PRTFDC1: variants seen among roughly 807,000 people sequenced by gnomAD.
The protein encoded by PRTFDC1 is phosphoribosyl transferase domain containing 1.
PRTFDC1 carries 38 observed loss-of-function variants against 34.6 expected under a neutral mutation model. The observed-to-expected ratio is 1.10, with a 90% CI of 0.85 to 1.44. PRTFDC1 has a LOEUF of 1.44. PRTFDC1 is among the 40% of genes most tolerant of loss of function. PRTFDC1 has a pLI of 0.00. For missense variants in PRTFDC1, 270 were observed against 283.0 expected, an observed-to-expected ratio of 0.95 and a Z score of 0.33; for synonymous variants, 93 against 98.1, an observed-to-expected ratio of 0.95 and a Z score of 0.31.
chr10:24,925,996 C>G (rs1038984744), intron 3 of PRTFDC1, among the ~76,000 whole-genome samples: 3 of 152,182 alleles, frequency 2.0e-5, no homozygotes, highest in Admixed American at 2.0e-4. Context: ...CCTGTGCCCA[C>G]GTCTCTTCCT....
chr10:24,856,568 G>A (rs1379260441), intron 6 of PRTFDC1, among the ~76,000 whole-genome samples: 1 of 152,158 alleles, frequency 6.6e-6, no homozygotes, highest in Admixed American at 6.6e-5. Flanking sequence ...AGCCCAGCCT[G>A]GGCAACAGAG....
intron 3 of PRTFDC1, among the ~76,000 whole-genome samples, chr10:24,928,820 G>C (rs960448794): frequency 6.6e-6 from 1 of 151,476 alleles, no homozygotes; most frequent in Non-Finnish European, 1.5e-5. Context: ...GGCAGATCAC[G>C]AGGTCAGGAG....
chr10:24,891,571 T>C (rs1006994572), intron 3 of PRTFDC1, among the ~76,000 whole-genome samples: 5 of 151,786 alleles, frequency 3.3e-5, no homozygotes, highest in Non-Finnish European at 5.9e-5. Flanking sequence ...GGCAGGATGA[T>C]GGCTTGAGCT....
At chr10:24,887,450 G>A (rs558140268) in intron 3 of PRTFDC1, among the ~76,000 whole-genome samples, 21 of 111,064 alleles carry the variant, frequency 1.9e-4, no homozygotes, top group Admixed American at 1.2e-3. Context: ...AGATCTGATG[G>A]TTTTATAAGG....
At chr10:24,915,447 T>G (rs1026994291) in intron 3 of PRTFDC1, among the ~76,000 whole-genome samples, 2 of 152,178 alleles carry the variant, frequency 1.3e-5, no homozygotes, top group Non-Finnish European at 2.9e-5. Flanking sequence ...TTGGCTTCCA[T>G]ATCCCTATAG....
chr10:24,918,172 T>C (rs1477507543), intron 3 of PRTFDC1, among the ~76,000 whole-genome samples: 2 of 152,198 alleles, frequency 1.3e-5, no homozygotes, highest in East Asian at 3.9e-4. Flanking sequence ...GCTGGAGCAC[T>C]AAGTCTCTCA....
chr10:24,881,765 A>C (rs1848082713), intron 3 of PRTFDC1, among the ~76,000 whole-genome samples: 1 of 152,024 alleles, frequency 6.6e-6, no homozygotes, highest in Non-Finnish European at 1.5e-5. Context: ...CCCTCTCACC[A>C]TGGCCAATGA....
At chr10:24,937,046 T>C in intron 3 of PRTFDC1, 138 bp downstream of exon 3, 1 of 804,334 alleles carries the variant, frequency 1.2e-6, no homozygotes, top group Non-Finnish European at 1.9e-6. Context: ...GTTGCCGTAT[T>C]CTTGCAAATT....
chr10:24,927,972 A>T (rs1044922433), intron 3 of PRTFDC1, among the ~76,000 whole-genome samples: 1 of 152,228 alleles, frequency 6.6e-6, no homozygotes, highest in African/African-American at 2.4e-5. Flanking sequence ...AAAATTGCTG[A>T]AAAAGATGAG....
At position 24,894,798 on chromosome 10, in the gene PRTFDC1, C is replaced by T. The variant is rs181800191; in HGVS notation, c.340-22735G>A. Among the ~76,000 whole-genome samples the T allele has an allele frequency of 1.6e-3, 250 of 152,288 alleles. 2 individuals carry two copies. The highest frequency in any genetic ancestry group is 5.5e-3 in the African/African-American group (228 of 41,566). ...GGAGTTTGACAACATGGGTTCAAATCGAGGCTCCGCTCCTGTGGATTGTGT... is the reference window on the plus strand; with the variant it reads ...GGAGTTTGACAACATGGGTTCAAATTGAGGCTCCGCTCCTGTGGATTGTGT... On this transcript the variant is annotated intron_variant, in intron 3 of 8. Coordinates refer to ENST00000320152, the MANE Select transcript of PRTFDC1 (RefSeq NM_020200.7).
chr10:24,905,742 C>T (rs1848523948), intron 3 of PRTFDC1, among the ~76,000 whole-genome samples: 1 of 152,158 alleles, frequency 6.6e-6, no homozygotes, highest in South Asian at 2.1e-4. Context: ...CCACAAGTCT[C>T]TTCCTTTTAT....
intron 1 of PRTFDC1, among the ~76,000 whole-genome samples, chr10:24,950,706 A>G (rs910754218): frequency 6.6e-6 from 1 of 150,808 alleles, no homozygotes; most frequent in African/African-American, 2.4e-5. Context: ...CCCACCCTTC[A>G]AAGTTCTTTC....
At chr10:24,940,174 A>C (rs111989177) in intron 2 of PRTFDC1, among the ~76,000 whole-genome samples, 105 of 152,296 alleles carry the variant, frequency 6.9e-4, no homozygotes, top group African/African-American at 2.4e-3. Flanking sequence ...CATATAGTTG[A>C]ACTGAGAAGC....
chr10:24,943,359 T>G (rs1849200829), intron 1 of PRTFDC1, among the ~76,000 whole-genome samples: 1 of 152,252 alleles, frequency 6.6e-6, no homozygotes, highest in South Asian at 2.1e-4. Flanking sequence ...GTGGATGGAC[T>G]GATAGTAAGT....
At chr10:24,910,700 C>T (rs1214704901) in intron 3 of PRTFDC1, among the ~76,000 whole-genome samples, 1 of 152,102 alleles carries the variant, frequency 6.6e-6, no homozygotes, top group Non-Finnish European at 1.5e-5. Context: ...ATAAAATGGA[C>T]CACCACTGGA....
Position 24,937,279 on chromosome 10 carries a change from A to G in PRTFDC1, c.244T>C (p.Cys82Arg). The G allele has an allele frequency of 1.2e-6, 2 of 1,614,096 alleles. No homozygotes were observed. The highest frequency in any genetic ancestry group is 2.2e-5 in the South Asian group (2 of 91,078). ...TTAAGGTGTTCTACGAGATCAGCACAGAATTTGTAACCTCCTTTAAGCACA... is the reference window on the plus strand; with the variant it reads ...TTAAGGTGTTCTACGAGATCAGCACGGAATTTGTAACCTCCTTTAAGCACA... ...LCVLKGGYKFCADLVEHLKNI... is the reference protein window; with the variant it reads ...LCVLKGGYKFRADLVEHLKNI... Residue 82 changes from cysteine to arginine, a missense_variant, in exon 3 of 9, where the codon TGT (cysteine) becomes CGT (arginine). Physicochemically the swap from Cys to Arg is radical, Grantham distance 180. Transcript: ENST00000320152.
chr10:24,950,226 A>C (rs1849318613), intron 1 of PRTFDC1, among the ~76,000 whole-genome samples: 1 of 152,194 alleles, frequency 6.6e-6, no homozygotes, highest in Non-Finnish European at 1.5e-5. Flanking sequence ...AAAAGTATGT[A>C]GTATGTTACG....
rs556640381 is a variant in PRTFDC1 at position 24,862,946 on chromosome 10, C to T, written c.406-4537G>A. 1.1e-4 allele frequency among the ~76,000 whole-genome samples: 17 copies of T among 151,948 alleles called. No homozygotes were observed. In the South Asian group the frequency reaches 3.3e-3, roughly 30 times the overall value. On this transcript the variant is annotated intron_variant, in intron 4 of 8. Coordinates refer to ENST00000320152, the MANE Select transcript of PRTFDC1 (RefSeq NM_020200.7). ...AGGCTGGAGTGCAGTGGCACAATCTCGGCTCACAGCAACCTCTGCCTCCTG... is the reference window on the plus strand; with the variant it reads ...AGGCTGGAGTGCAGTGGCACAATCTTGGCTCACAGCAACCTCTGCCTCCTG...
intron 3 of PRTFDC1, among the ~76,000 whole-genome samples, chr10:24,900,835 T>A (rs1848438308): frequency 6.6e-6 from 1 of 152,182 alleles, no homozygotes; most frequent in Admixed American, 6.5e-5. Flanking sequence ...GCCGAACATT[T>A]TATATAAATA....
Sources: gnomAD v4.1 joint callset for allele counts (sites outside exome capture counted in the v4.1 genomes callset) on GRCh38, gnomAD v4.1.1 for gene constraint, MANE v1.5 for transcripts, NCBI Gene and HGNC (gene_info 2026-07-23, HGNC 2026-07-21) for gene names.